Variants in PTPRD observed in about 807,000 individuals in gnomAD.
PTPRD encodes protein tyrosine phosphatase receptor type D, also known as receptor-type tyrosine-protein phosphatase delta.
A neutral mutation model predicts 214.5 loss-of-function variants in PTPRD; 34 were observed. The observed-to-expected ratio is 0.16, with a 90% CI of 0.12 to 0.21. The LOEUF (loss-of-function observed/expected upper bound fraction) is 0.21. PTPRD is among the 10% of genes least tolerant of loss of function. The probability of loss-of-function intolerance (pLI) is 1.00; values close to 1 mark genes in which losing one functional copy is unlikely to be tolerated. For missense variants in PTPRD, 2,545 were observed against 2,398.7 expected (o/e 1.06, Z -1.27); for synonymous variants, 1,128 against 845.7 (o/e 1.33, Z -5.79).
intron 2 of PTPRD, among the ~76,000 whole-genome samples, chr9:10,373,642 T>C (rs533852954): frequency 1.4e-4 from 21 of 152,248 alleles, no homozygotes; most frequent in African/African-American, 4.8e-4. Flanking sequence ...TCCCCAGCTA[T>C]AGGCACCTTG....
intron 2 of PTPRD, among the ~76,000 whole-genome samples, chr9:10,542,611 A>T (rs993446673): frequency 2.0e-5 from 3 of 152,204 alleles, no homozygotes; most frequent in African/African-American, 7.2e-5. Context: ...TCTCAGAGTT[A>T]TAATAGTTGT....
chr9:10,202,671 G>GATATAGATAT (rs1554843045), intron 3 of PTPRD, among the ~76,000 whole-genome samples: 2 of 113,128 alleles, frequency 1.8e-5, no homozygotes, highest in African/African-American at 7.1e-5. Flanking sequence ...AAATTATATG[G>GATATAGATAT]ATATATATAT....
rs748426647 is a variant in PTPRD, at chr9:8,636,719, C to G, written c.190G>C (p.Val64Leu). The change falls in exon 13 of 46, where the codon GTC (valine) becomes CTC (leucine). Residue 64 changes from valine (V) to leucine (L), a missense_variant. Val to Leu is a conservative substitution (Grantham distance 32). Coordinates refer to ENST00000381196, the MANE Select transcript of PTPRD (RefSeq NM_002839.4). ...KIVWNKKGKKVSNQRFEVIEF... is the reference protein window; with the variant it reads ...KIVWNKKGKKLSNQRFEVIEF... ...AATACCTCAAATCTCTGATTGCTGA[C>G]TTTCTTTCCTTTTTTGTTCCAGACA... 2.5e-6 allele frequency: 4 copies of G among 1,614,050 alleles called. No homozygotes were observed. The South Asian group carries it at 4.4e-5, about 18-fold the overall frequency.
chr9:9,866,896 T>C (rs1231394004), intron 5 of PTPRD, among the ~76,000 whole-genome samples: 1 of 152,148 alleles, frequency 6.6e-6, no homozygotes, highest in African/African-American at 2.4e-5. Flanking sequence ...ACAAAGTTCC[T>C]ATTAAACCGC....
intron 10 of PTPRD, among the ~76,000 whole-genome samples, chr9:9,154,243 G>A (rs947353321): frequency 6.6e-6 from 1 of 152,162 alleles, no homozygotes. Flanking sequence ...ATAGTAATAA[G>A]CTGAGATTCT....
intron 2 of PTPRD, among the ~76,000 whole-genome samples, chr9:10,506,902 A>G (rs940305813): frequency 7.2e-5 from 11 of 152,008 alleles, no homozygotes; most frequent in Non-Finnish European, 1.3e-4. Flanking sequence ...TGTGCATTAA[A>G]TTGGGGGCAT....
At chr9:9,861,742 A>G (rs898705301) in intron 5 of PTPRD, among the ~76,000 whole-genome samples, 15 of 152,226 alleles carry the variant, frequency 9.9e-5, no homozygotes, top group African/African-American at 3.4e-4. Flanking sequence ...CTAGTTTAAA[A>G]AAGTAAATAA....
chr9:8,534,052 G>A (rs2076337425), intron 14 of PTPRD, among the ~76,000 whole-genome samples: 1 of 151,982 alleles, frequency 6.6e-6, no homozygotes, highest in African/African-American at 2.4e-5. Flanking sequence ...GGCTGTTTGT[G>A]ACTTTATTTT....
At chr9:9,294,777 G>C (rs1425568268) in intron 9 of PTPRD, among the ~76,000 whole-genome samples, 1 of 151,566 alleles carries the variant, frequency 6.6e-6, no homozygotes, top group Non-Finnish European at 1.5e-5. Flanking sequence ...CACCCAATCT[G>C]GGTATTTTGT....
chr9:9,284,710 G>A (rs1416705935), intron 9 of PTPRD, among the ~76,000 whole-genome samples: 1 of 151,740 alleles, frequency 6.6e-6, no homozygotes, highest in Non-Finnish European at 1.5e-5. Context: ...GCCTTTTAGA[G>A]AAAAGTGTCC....
chr9:8,816,306 G>C (rs1007851706), intron 11 of PTPRD, among the ~76,000 whole-genome samples: 1 of 152,168 alleles, frequency 6.6e-6, no homozygotes, highest in African/African-American at 2.4e-5. Context: ...AAAGGTCTGC[G>C]AGAGGCTCCT....
chr9:8,359,500 A>C (rs886948291), intron 39 of PTPRD, among the ~76,000 whole-genome samples: 1 of 151,896 alleles, frequency 6.6e-6, no homozygotes, highest in Non-Finnish European at 1.5e-5. Context: ...AATAATTATA[A>C]ATTTTATAGT....
At chr9:8,588,889 T>G (rs904821685) in intron 14 of PTPRD, among the ~76,000 whole-genome samples, 1 of 152,136 alleles carries the variant, frequency 6.6e-6, no homozygotes, top group African/African-American at 2.4e-5. Context: ...AAAATAGAGA[T>G]TCTTGGACCA....
intron 10 of PTPRD, among the ~76,000 whole-genome samples, chr9:9,172,505 G>C (rs1240756522): frequency 6.6e-6 from 1 of 152,026 alleles, no homozygotes; most frequent in Non-Finnish European, 1.5e-5. Context: ...AGATTAAGCA[G>C]CATTATCTCG....
chr9:9,795,106 G>A (rs940698060), intron 5 of PTPRD, among the ~76,000 whole-genome samples: 8 of 152,158 alleles, frequency 5.3e-5, no homozygotes, highest in Admixed American at 2.0e-4. Flanking sequence ...GGTTTAAAAC[G>A]TGAGAATACT....
chr9:9,474,853 C>T (rs538389122), intron 8 of PTPRD, among the ~76,000 whole-genome samples: 8 of 151,940 alleles, frequency 5.3e-5, no homozygotes, highest in Non-Finnish European at 1.2e-4. Flanking sequence ...TAGATTTTTA[C>T]ATATGTAAGA....
chr9:10,535,232 GA>G (rs1161887530), intron 2 of PTPRD, among the ~76,000 whole-genome samples: 1 of 152,098 alleles, frequency 6.6e-6, no homozygotes, highest in Non-Finnish European at 1.5e-5. Context: ...TTGAATACTG[GA>G]TTTCAGTCAG....
At chr9:9,590,030 A>T (rs2092553528) in intron 7 of PTPRD, among the ~76,000 whole-genome samples, 1 of 152,054 alleles carries the variant, frequency 6.6e-6, no homozygotes, top group Non-Finnish European at 1.5e-5. Context: ...TTGTATAAGA[A>T]TGTAACTTCT....
At chr9:9,756,405 T>C (rs2154472157) in intron 6 of PTPRD, among the ~76,000 whole-genome samples, 1 of 152,288 alleles carries the variant, frequency 6.6e-6, no homozygotes, top group South Asian at 2.1e-4. Flanking sequence ...TATTCAGTTT[T>C]AACAATGGTT....
Sources: allele counts gnomAD v4.1 joint callset (sites outside exome capture counted in the v4.1 genomes callset), GRCh38; gene constraint gnomAD v4.1.1; transcripts MANE v1.5; gene names NCBI Gene and HGNC (gene_info 2026-07-23, HGNC 2026-07-21).